The following RAB15 variants were observed in gnomAD, a reference collection of about 807,000 sequenced individuals.
The protein encoded by RAB15 is ras-related protein Rab-15.
A neutral mutation model predicts 31.8 loss-of-function variants in RAB15; 13 were observed. That is an observed-to-expected ratio of 0.41 (90% CI 0.27 to 0.65). The LOEUF (loss-of-function observed/expected upper bound fraction) is 0.65. Among genes scored for constraint, RAB15 ranks in the 30% least tolerant of loss-of-function variants. RAB15 has a pLI of 0.32. For missense variants in RAB15, 220 were observed against 277.3 expected, an observed-to-expected ratio of 0.79 and a Z score of 1.47; for synonymous variants, 100 against 105.6, an observed-to-expected ratio of 0.95 and a Z score of 0.33.
At position 64,954,550 on chromosome 14, in the gene RAB15, A is replaced by G. The variant is rs1886434771; in HGVS notation, c.125-1979T>C. ...AAGGTTTTATTTCCTTTATCCCACAAACATTTATGGGAACTTCCTATGTGC... is the reference window on the plus strand; with the variant it reads ...AAGGTTTTATTTCCTTTATCCCACAGACATTTATGGGAACTTCCTATGTGC... On this transcript the variant is annotated intron_variant, in intron 1 of 6. Transcript: ENST00000533601. The surrounding 1 kb of genome is among the most constrained non-coding windows in gnomAD (Gnocchi z 4.3). The G allele has an allele frequency of 2.0e-6, 2 of 984,384 alleles. No individual in the cohort carries two copies. Among genetic ancestry groups the G allele is most frequent in the Non-Finnish European group, 2.4e-6 (2 of 828,930 alleles). The allele number at this position is 984,384 out of a possible 1,614,324, so 61.0% of individuals were successfully genotyped here.
rs1157688740 is a variant in RAB15, at chr14:64,951,594, G to C, written c.246+9C>G. 6.2e-7 allele frequency: 1 copy of C among 1,613,890 alleles called. No individual in the cohort carries two copies. The highest frequency in any genetic ancestry group is 8.5e-7 in the Non-Finnish European group (1 of 1,179,760). On this transcript the variant is annotated intron_variant, in intron 3 of 6. Transcript: ENST00000533601. The surrounding 1 kb of genome is among the most constrained non-coding windows in gnomAD (Gnocchi z 7.2). ...TTCCCACTTTGAAACCCCCAATGTG[G>C]TGGCTTACCTGGGCCCGCCGATAGT...
intron 1 of RAB15, among the ~76,000 whole-genome samples, chr14:64,966,010 C>A (rs1200151607): frequency 6.6e-6 from 1 of 152,152 alleles, no homozygotes; most frequent in Non-Finnish European, 1.5e-5. Flanking sequence ...GGGGCCCAAG[C>A]CTTGAGGCAA....
chr14:64,959,876 A>G (rs1317699763), intron 1 of RAB15, among the ~76,000 whole-genome samples: 2 of 143,450 alleles, frequency 1.4e-5, no homozygotes, highest in Non-Finnish European at 3.1e-5. Context: ...AAAAAAAGCA[A>G]TTCCATGAGG....
chr14:64,959,658 G>T (rs1338030140), intron 1 of RAB15, among the ~76,000 whole-genome samples: 1 of 151,936 alleles, frequency 6.6e-6, no homozygotes, highest in East Asian at 1.9e-4. Context: ...GCGCCCAGGA[G>T]TTCGAGACCA....
Position 64,955,939 on chromosome 14 carries a change from T to G in RAB15, c.125-3368A>C, listed in dbSNP as rs1357971893. On this transcript the variant is annotated intron_variant, in intron 1 of 6. Transcript: ENST00000533601. The surrounding 1 kb of genome is among the most constrained non-coding windows in gnomAD (Gnocchi z 4.4). ...CAGGTGCATGAGAATCACGCGGGGA[T>G]TGAGTTAAAATGCAGATTCTGATCT... is the stretch of plus-strand genomic sequence containing the variant. Among the ~76,000 whole-genome samples, 1 of 152,166 alleles carries G rather than the reference T, an allele frequency of 6.6e-6. No homozygotes were observed. The highest frequency in any genetic ancestry group is 1.5e-5 in the Non-Finnish European group (1 of 68,014).
Position 64,948,864 on chromosome 14 carries a change from C to T in RAB15, c.415-131G>A. 2.6e-6 allele frequency: 2 copies of T among 775,754 alleles called. No homozygotes were observed. The highest frequency in any genetic ancestry group is 4.3e-6 in the Non-Finnish European group (2 of 470,320). 48.1% of individuals were successfully genotyped at this position (775,754 alleles called of 1,614,324 possible). On this transcript the variant is annotated intron_variant, in intron 5 of 6. Transcript: ENST00000533601. This position sits in a 1 kb window ranked among gnomAD's most constrained non-coding sequence, Gnocchi z 7.0. The stretch of plus-strand genomic sequence containing the variant: ...GACGATTTCTCAGAGTAGATAATTT[C>T]TCAGATGGGACTGGGAGCTCCAAGA...
intron 1 of RAB15, among the ~76,000 whole-genome samples, chr14:64,957,756 C>T (rs1053579473): frequency 2.6e-5 from 4 of 152,270 alleles, no homozygotes; most frequent in African/African-American, 9.6e-5. Context: ...TGTCTTAAAA[C>T]CCACCCAGGG....
At chr14:64,961,812 G>A (rs753148022) in intron 1 of RAB15, among the ~76,000 whole-genome samples, 1 of 152,046 alleles carries the variant, frequency 6.6e-6, no homozygotes, top group Non-Finnish European at 1.5e-5. Flanking sequence ...AGAAGACTGA[G>A]GTAAGAGGAT....
Position 64,950,457 on chromosome 14 carries a change from G to T in RAB15, c.325-43C>A. 2 of 1,505,168 alleles carry T rather than the reference G, an allele frequency of 1.3e-6. No individual in the cohort carries two copies. The highest frequency in any genetic ancestry group is 9.2e-7 in the Non-Finnish European group (1 of 1,082,772). 93.2% of individuals were successfully genotyped at this position (1,505,168 alleles called of 1,614,324 possible). On this transcript the variant is annotated intron_variant, in intron 4 of 6. Coordinates refer to ENST00000533601, the MANE Select transcript of RAB15 (RefSeq NM_001308154.2). The surrounding 1 kb of genome is among the most constrained non-coding windows in gnomAD (Gnocchi z 5.6). Reference sequence around the variant, plus strand: ...GCAGAACAGCCAGTGAGTGCTGCCTGCCCCCCCAATTTTCCCTACAGAGTC... The same window carrying T: ...GCAGAACAGCCAGTGAGTGCTGCCTTCCCCCCCAATTTTCCCTACAGAGTC...
At position 64,948,626 on chromosome 14, in the gene RAB15, C is replaced by G; in HGVS notation, c.480+42G>C. ...GGCTCCTCCTCCCACCTCTGCTGGACTCAGCCCGAGAGAGCGGGCGCCTGG... is the reference window on the plus strand; with the variant it reads ...GGCTCCTCCTCCCACCTCTGCTGGAGTCAGCCCGAGAGAGCGGGCGCCTGG... On this transcript the variant is annotated intron_variant, in intron 6 of 6. Transcript: ENST00000533601. The surrounding 1 kb of genome is among the most constrained non-coding windows in gnomAD (Gnocchi z 7.0). The G allele has an allele frequency of 6.2e-7, 1 of 1,612,990 alleles. No homozygotes were observed. Among genetic ancestry groups the G allele is most frequent in the South Asian group, 1.1e-5 (1 of 91,022 alleles).
chr14:64,963,451 G>C (rs1886967651), intron 1 of RAB15, among the ~76,000 whole-genome samples: 1 of 151,972 alleles, frequency 6.6e-6, no homozygotes, highest in African/African-American at 2.4e-5. Flanking sequence ...CCTGGAACTG[G>C]GTCTCGCCTC....
At chr14:64,956,518 C>T (rs1451712345) in intron 1 of RAB15, among the ~76,000 whole-genome samples, 3 of 152,094 alleles carry the variant, frequency 2.0e-5, no homozygotes, top group African/African-American at 4.8e-5. Flanking sequence ...TATGGGGTCC[C>T]GCAATCAGTT....
chr14:64,952,718 A>C lies in RAB15; in HGVS notation c.125-147T>G, dbSNP rs1886328605. 3.5e-6 allele frequency: 2 copies of C among 569,496 alleles called. No homozygotes were observed. 35.3% of individuals were successfully genotyped at this position (569,496 alleles called of 1,614,324 possible). A position where few individuals can be genotyped will look rare whatever the true frequency, so the allele number is the denominator to read the frequency against. On this transcript the variant is annotated intron_variant, in intron 1 of 6. Transcript: ENST00000533601. This position sits in a 1 kb window ranked among gnomAD's most constrained non-coding sequence, Gnocchi z 4.2. ...ATGTAAAGGCCTTCTTTAAGCAGAA[A>C]CTGACCTTAAGGAAGTATCTGAAGC... is the stretch of plus-strand genomic sequence containing the variant.
intron 1 of RAB15, among the ~76,000 whole-genome samples, chr14:64,969,515 G>A (rs1887316826): frequency 6.6e-6 from 1 of 152,220 alleles, no homozygotes; most frequent in Non-Finnish European, 1.5e-5. Context: ...AAAGGCTGGT[G>A]TGAAGAAAGA....
rs1359439207 is a variant in RAB15, at chr14:64,968,079, A to C, written c.124+3874T>G. On this transcript the variant is annotated intron_variant, in intron 1 of 6. Coordinates refer to ENST00000533601, the MANE Select transcript of RAB15 (RefSeq NM_001308154.2). This position sits in a 1 kb window ranked among gnomAD's most constrained non-coding sequence, Gnocchi z 4.9. Reference sequence around the variant, plus strand: ...CAACTGGTCCCTGCATTCATTCATTAATTTAACAACAGGCATTGAATCTGC... The same window carrying C: ...CAACTGGTCCCTGCATTCATTCATTCATTTAACAACAGGCATTGAATCTGC... Among the ~76,000 whole-genome samples the C allele has an allele frequency of 6.6e-6, 1 of 152,276 alleles. No homozygotes were observed. Among genetic ancestry groups the C allele is most frequent in the African/African-American group, 2.4e-5 (1 of 41,556 alleles).
intron 5 of RAB15, among the ~76,000 whole-genome samples, chr14:64,949,363 A>G (rs1160038861): frequency 6.6e-6 from 1 of 152,194 alleles, no homozygotes; most frequent in Non-Finnish European, 1.5e-5. Context: ...ATGGAACGCT[A>G]TTGACTGAAA....
Position 64,948,829 on chromosome 14 carries a change from G to A in RAB15, c.415-96C>T, listed in dbSNP as rs532663762. On this transcript the variant is annotated intron_variant, in intron 5 of 6. Transcript: ENST00000533601. The surrounding 1 kb of genome is among the most constrained non-coding windows in gnomAD (Gnocchi z 7.0). ...CTTCTGCCACTGCACTCACAACCAT[G>A]CTGTGTTGTGACGATTTCTCAGAGT... 207 of 1,063,430 alleles carry A rather than the reference G, an allele frequency of 1.9e-4. No individual in the cohort carries two copies. The highest frequency in any genetic ancestry group is 8.1e-4 in the Admixed American group (41 of 50,556). 65.9% of individuals were successfully genotyped at this position (1,063,430 alleles called of 1,614,324 possible). A position where few individuals can be genotyped will look rare whatever the true frequency, so the allele number is the denominator to read the frequency against.
Position 64,953,147 on chromosome 14 carries a change from G to A in RAB15, c.125-576C>T, listed in dbSNP as rs1223539722. Reference sequence around the variant, plus strand: ...GAAGGCCTCATGCGTCTTGGTTGCTGACTCACTCATTCACCATAGGAGGCA... The same window carrying A: ...GAAGGCCTCATGCGTCTTGGTTGCTAACTCACTCATTCACCATAGGAGGCA... On this transcript the variant is annotated intron_variant, in intron 1 of 6. Coordinates refer to ENST00000533601, the MANE Select transcript of RAB15 (RefSeq NM_001308154.2). This position sits in a 1 kb window ranked among gnomAD's most constrained non-coding sequence, Gnocchi z 4.6. Among the ~76,000 whole-genome samples the A allele has an allele frequency of 6.6e-6, 1 of 152,210 alleles. No homozygotes were observed. Among genetic ancestry groups the A allele is most frequent in the African/African-American group, 2.4e-5 (1 of 41,452 alleles).
At chr14:64,961,035 T>C (rs530470370) in intron 1 of RAB15, among the ~76,000 whole-genome samples, 3 of 152,192 alleles carry the variant, frequency 2.0e-5, no homozygotes, top group African/African-American at 7.2e-5. Context: ...TGCCTCTGGG[T>C]GCCAAATGTT....
Sources: allele counts gnomAD v4.1 joint callset (sites outside exome capture counted in the v4.1 genomes callset), GRCh38; gene constraint gnomAD v4.1.1; non-coding constraint Gnocchi (gnomAD v3.1); transcripts MANE v1.5; gene names NCBI Gene and HGNC (gene_info 2026-07-23, HGNC 2026-07-21).